LHX9: variants seen among roughly 807,000 people sequenced by gnomAD.
LHX9 encodes LIM homeobox 9.
A neutral mutation model predicts 36.5 loss-of-function variants in LHX9; 9 were observed. The ratio of observed to expected loss-of-function variants is 0.25; its 90% confidence interval spans 0.15 to 0.43. The LOEUF (loss-of-function observed/expected upper bound fraction) is 0.43. LHX9 is among the 20% of genes least tolerant of loss of function. The pLI is 1.00. For missense variants in LHX9, 464 were observed against 526.4 expected, an observed-to-expected ratio of 0.88 and a Z score of 1.16; for synonymous variants, 211 against 212.1, an observed-to-expected ratio of 0.99 and a Z score of 0.04.
Position 197,921,719 on chromosome 1 carries a change from GCTC to G in LHX9, c.733+63_733+65del. The G allele has an allele frequency of 7.3e-7, 1 of 1,365,356 alleles. No homozygotes were observed. Among genetic ancestry groups the G allele is most frequent in the Non-Finnish European group, 9.8e-7 (1 of 1,016,964 alleles). The allele number at this position is 1,365,356 out of a possible 1,614,324, so 84.6% of individuals were successfully genotyped here. On this transcript the variant is annotated intron_variant, in intron 3 of 4. Coordinates refer to ENST00000367387, the MANE Select transcript of LHX9 (RefSeq NM_020204.3). The surrounding 1 kb of genome is among the most constrained non-coding windows in gnomAD (Gnocchi z 4.6). ...GGCCTCCCTGAGGAAAATTCGTAGA[GCTC>G]CTTCCCCGTCCAAAGTCTTGCTGCA...
At chr1:197,926,922 T>G (rs900938613) in intron 3 of LHX9, among the ~76,000 whole-genome samples, 2 of 152,238 alleles carry the variant, frequency 1.3e-5, no homozygotes, top group African/African-American at 4.8e-5. Flanking sequence ...ACAAATAATA[T>G]TCTTATGTTT....
Position 197,921,735 on chromosome 1 carries a change from A to T in LHX9, c.733+76A>T, listed in dbSNP as rs541021985. On this transcript the variant is annotated intron_variant, in intron 3 of 4. Transcript: ENST00000367387. The surrounding 1 kb of genome is among the most constrained non-coding windows in gnomAD (Gnocchi z 4.6). ...ATTCGTAGAGCTCCTTCCCCGTCCA[A>T]AGTCTTGCTGCAAGAGTGTGTTTTG... The T allele has an allele frequency of 8.1e-7, 1 of 1,237,730 alleles. No homozygotes were observed. The highest frequency in any genetic ancestry group is 1.1e-6 in the Non-Finnish European group (1 of 908,062). The allele number at this position is 1,237,730 out of a possible 1,614,324, so 76.7% of individuals were successfully genotyped here.
At chr1:197,926,914 A>G (rs1660159078) in intron 3 of LHX9, among the ~76,000 whole-genome samples, 1 of 152,242 alleles carries the variant, frequency 6.6e-6, no homozygotes, top group African/African-American at 2.4e-5. Context: ...AAGCTGAAAC[A>G]AATAATATTC....
intron 1 of LHX9, chr1:197,918,691 G>A: frequency 3.3e-6 from 1 of 305,516 alleles, no homozygotes; most frequent in South Asian, 7.1e-5. Context: ...CCTTAAACAA[G>A]CTAATCAACC....
Position 197,933,438 on chromosome 1 carries a change from T to A in LHX9, c.*4179T>A, listed in dbSNP as rs1440274266. 6.6e-6 allele frequency: 1 copy of A among 152,200 alleles called. No homozygotes were observed. The highest frequency in any genetic ancestry group is 2.4e-5 in the African/African-American group (1 of 41,452). The allele number at this position is 152,200 out of a possible 1,614,324, so 9.4% of individuals were successfully genotyped here. On this transcript the variant is annotated 3_prime_UTR_variant, in exon 5 of 5. Transcript: ENST00000367387. Reference sequence around the variant, plus strand: ...TCACAAATCATGCTGGTTTTGTCAGTAACTTGAATGTTTATGCCTCATTGA... The same window carrying A: ...TCACAAATCATGCTGGTTTTGTCAGAAACTTGAATGTTTATGCCTCATTGA...
At chr1:197,923,926 C>G (rs1213040850) in intron 3 of LHX9, among the ~76,000 whole-genome samples, 1 of 152,114 alleles carries the variant, frequency 6.6e-6, no homozygotes, top group Non-Finnish European at 1.5e-5. Flanking sequence ...GAGTTTGTAC[C>G]TCGCACCACT....
In LHX9 at chr1:197,919,642, C is replaced by G. The variant is rs543178306; in HGVS notation, c.175-330C>G. 2.0e-5 allele frequency among the ~76,000 whole-genome samples: 3 copies of G among 152,292 alleles called. No individual in the cohort carries two copies. The South Asian group carries it at 6.2e-4, about 32-fold the overall frequency. ...GTGCGTCGAAAACCACAATTTTTAG[C>G]TTGTAATTATTTGAATTCGGAAACG... On this transcript the variant is annotated intron_variant, in intron 1 of 4. Coordinates refer to ENST00000367387, the MANE Select transcript of LHX9 (RefSeq NM_020204.3).
chr1:197,917,251 A>C, upstream of LHX9: 1 of 1,214,064 alleles, frequency 8.2e-7, no homozygotes, highest in Non-Finnish European at 1.0e-6. Flanking sequence ...GGAGTATGAC[A>C]GGTCTTTGTT....
At position 197,921,646 on chromosome 1, in the gene LHX9, C is replaced by T. The variant is rs1659993478; in HGVS notation, c.720C>T (p.Val240=). Reference sequence around the variant, plus strand: ...GCCCAGCGCTGGGAGTGGACATCGTCAATTACAACTCAGGTGTGCCTCCTA... The same window carrying T: ...GCCCAGCGCTGGGAGTGGACATCGTTAATTACAACTCAGGTGTGCCTCCTA... The part of the protein sequence containing the change: ...RKSPALGVDI[V]NYNSGCNENE... The change falls in exon 3 of 5, where the codon GTC becomes GTT. Residue 240 remains valine (V), a synonymous_variant. Transcript: ENST00000367387. The surrounding 1 kb of genome is among the most constrained non-coding windows in gnomAD (Gnocchi z 4.6). 2 of 1,587,096 alleles carry T rather than the reference C, an allele frequency of 1.3e-6. No homozygotes were observed. Among genetic ancestry groups the T allele is most frequent in the Non-Finnish European group, 1.7e-6 (2 of 1,170,328 alleles).
chr1:197,912,875 C>T (rs561223600), upstream of LHX9: 9 of 409,688 alleles, frequency 2.2e-5, no homozygotes, highest in East Asian at 4.0e-4. Context: ...TCCAGGGACG[C>T]GCTCCTGACC....
intron 3 of LHX9, among the ~76,000 whole-genome samples, chr1:197,926,163 G>A (rs1660135512): frequency 6.6e-6 from 1 of 152,190 alleles, no homozygotes. Context: ...CTGATTTGCT[G>A]AATATTTTTT....
At chr1:197,918,066 C>T (rs1185622260) in intron 1 of LHX9, 69 bp downstream of exon 1, 1 of 1,537,020 alleles carries the variant, frequency 6.5e-7, no homozygotes, top group Non-Finnish European at 8.8e-7. Context: ...AGCCGACTCC[C>T]TGGCCGGTGG....
At chr1:197,927,538 G>A (rs1164486998) in intron 3 of LHX9, 53 bp from the exon 4 acceptor site, 1 of 1,475,614 alleles carries the variant, frequency 6.8e-7, no homozygotes, top group African/African-American at 1.4e-5. Flanking sequence ...CATCATGTCA[G>A]CTAATGCAAG....
chr1:197,929,840 C>T lies in LHX9; in HGVS notation c.*581C>T. 1 of 946,102 alleles carries T rather than the reference C, an allele frequency of 1.1e-6. No homozygotes were observed. 58.6% of individuals were successfully genotyped at this position (946,102 alleles called of 1,614,324 possible). ...ATGAAATAAAAGCATTAACTACAGA[C>T]ATTTTAAATAGTAATGATTAATTAG... is the stretch of plus-strand genomic sequence containing the variant. On this transcript the variant is annotated 3_prime_UTR_variant, in exon 5 of 5. Coordinates refer to ENST00000367387, the MANE Select transcript of LHX9 (RefSeq NM_020204.3).
chr1:197,920,564 G>A (rs1026554400), intron 2 of LHX9, among the ~76,000 whole-genome samples: 1 of 151,850 alleles, frequency 6.6e-6, no homozygotes, highest in Non-Finnish European at 1.5e-5. Context: ...CTAGTGGCTC[G>A]GGCAGCAGCA....
In LHX9 at chr1:197,921,184, C is replaced by G; in HGVS notation, c.378-120C>G. 1.5e-6 allele frequency: 1 copy of G among 678,916 alleles called. No homozygotes were observed. Among genetic ancestry groups the G allele is most frequent in the Non-Finnish European group, 2.5e-6 (1 of 407,626 alleles). 42.1% of individuals were successfully genotyped at this position (678,916 alleles called of 1,614,324 possible). A position where few individuals can be genotyped will look rare whatever the true frequency, so the allele number is the denominator to read the frequency against. On this transcript the variant is annotated intron_variant, in intron 2 of 4. Coordinates refer to ENST00000367387, the MANE Select transcript of LHX9 (RefSeq NM_020204.3). This position sits in a 1 kb window ranked among gnomAD's most constrained non-coding sequence, Gnocchi z 4.6. ...ATAAAATTAATGCCTACTCTCCTGT[C>G]CCCCTGGAACCCTCCCAGGTCCCAG...
At position 197,923,762 on chromosome 1, in the gene LHX9, G is replaced by C. The variant is rs562956852; in HGVS notation, c.733+2103G>C. ...TTACTTCTCTGAAAATAACTAGAGA[G>C]TACAAATTTATTTTTAAGAAGAATA... is the stretch of plus-strand genomic sequence containing the variant. On this transcript the variant is annotated intron_variant, in intron 3 of 4. Transcript: ENST00000367387. 3.9e-5 allele frequency among the ~76,000 whole-genome samples: 6 copies of C among 152,200 alleles called. No homozygotes were observed. In the South Asian group the frequency reaches 1.2e-3, roughly 32 times the overall value.
Position 197,925,804 on chromosome 1 carries a change from T to C in LHX9, c.734-1787T>C, listed in dbSNP as rs1213979346. 4.4e-4 allele frequency among the ~76,000 whole-genome samples: 67 copies of C among 152,212 alleles called. 1 individual carries two copies. Among genetic ancestry groups the C allele is most frequent in the Admixed American group, 4.4e-3 (67 of 15,276 alleles). The stretch of plus-strand genomic sequence containing the variant: ...TACATTCGAATGTATATATCTGACT[T>C]GGATTCCACTTCAAGTTGATTTAAT... On this transcript the variant is annotated intron_variant, in intron 3 of 4. Transcript: ENST00000367387.
At chr1:197,919,359 C>A (rs998747475) in intron 1 of LHX9, among the ~76,000 whole-genome samples, 1 of 152,188 alleles carries the variant, frequency 6.6e-6, no homozygotes, top group Non-Finnish European at 1.5e-5. Context: ...TTGGGAACAG[C>A]CACTTTACAC....
Sources: allele counts gnomAD v4.1 joint callset (sites outside exome capture counted in the v4.1 genomes callset), GRCh38; gene constraint gnomAD v4.1.1; non-coding constraint Gnocchi (gnomAD v3.1); transcripts MANE v1.5; gene names NCBI Gene and HGNC (gene_info 2026-07-23, HGNC 2026-07-21).